PWWP2A: variants seen among roughly 807,000 people sequenced by gnomAD.
PWWP2A encodes PWWP domain containing 2A, also known as PWWP domain-containing protein 2A.
Under a neutral mutation model 48.5 loss-of-function variants are expected in PWWP2A, and 18 were observed. The observed-to-expected ratio is 0.37, with a 90% CI of 0.26 to 0.55. PWWP2A has a LOEUF of 0.55. Among genes scored for constraint, PWWP2A ranks in the 20% least tolerant of loss-of-function variants. The pLI is 0.81. For synonymous variants in PWWP2A, 396 were observed against 387.7 expected (o/e 1.02, Z -0.25); for missense variants, 867 against 976.4 (o/e 0.89, Z 1.49).
At chr5:160,108,762 A>C in intron 1 of PWWP2A, 3 of 391,136 alleles carry the variant, frequency 7.7e-6, no homozygotes, top group South Asian at 5.8e-5. Context: ...CCCCATGTAC[A>C]CACACACAGT....
intron 1 of PWWP2A, among the ~76,000 whole-genome samples, chr5:160,101,176 C>T (rs1384943104): frequency 3.3e-5 from 5 of 152,042 alleles, no homozygotes; most frequent in African/African-American, 1.2e-4. Flanking sequence ...CATGGTGAAA[C>T]CCTGTCTCTA....
chr5:160,093,547 T>C lies in PWWP2A; in HGVS notation c.1103A>G (p.Asp368Gly), dbSNP rs762997740. 5 of 1,613,434 alleles carry C rather than the reference T, an allele frequency of 3.1e-6. No individual in the cohort carries two copies. Among genetic ancestry groups the C allele is most frequent in the Non-Finnish European group, 4.2e-6 (5 of 1,179,774 alleles). Reference sequence around the variant, plus strand: ...TTGGTTTTTCCCATCCACTTTATGGTCAGTTTTCAGTTTTTTGTTCACAGT... The same window carrying C: ...TTGGTTTTTCCCATCCACTTTATGGCCAGTTTTCAGTTTTTTGTTCACAGT... ...VTTVNKKLKT[D>G]HKVDGKNQNE... is the part of the protein sequence containing the mutation. Residue 368 changes from aspartate to glycine, a missense_variant, in exon 2 of 2, where the codon GAC becomes GGC. Asp to Gly is a moderately conservative substitution (Grantham distance 94). Coordinates refer to ENST00000307063, the MANE Select transcript of PWWP2A (RefSeq NM_001130864.2). This position sits in a 1 kb window ranked among gnomAD's most constrained non-coding sequence, Gnocchi z 5.8.
intron 1 of PWWP2A, among the ~76,000 whole-genome samples, chr5:160,101,055 A>G (rs1756227918): frequency 6.6e-6 from 1 of 152,258 alleles, no homozygotes; most frequent in Admixed American, 6.5e-5. Flanking sequence ...AGTCTTAAAA[A>G]GGATGAAATC....
intron 1 of PWWP2A, among the ~76,000 whole-genome samples, chr5:160,115,740 T>C (rs1758065017): frequency 6.6e-6 from 1 of 151,028 alleles, no homozygotes. Flanking sequence ...GGTATGCGCT[T>C]GTAGTCCCAG....
At chr5:160,089,774 G>A (rs546561207), downstream of PWWP2A, 112 of 985,398 alleles carry the variant, frequency 1.1e-4, 1 homozygote, top group Middle Eastern at 3.7e-3. Flanking sequence ...TTTGGTCTAA[G>A]CCAGTTTACT....
chr5:160,084,225 T>C (rs1308891984), intron 2 of PWWP2A, among the ~76,000 whole-genome samples: 1 of 152,202 alleles, frequency 6.6e-6, no homozygotes, highest in Non-Finnish European at 1.5e-5. Context: ...TATGAGGAGA[T>C]ACTATTATTC....
At position 160,092,003 on chromosome 5, in the gene PWWP2A, TACATACACGGATATATATATATACACAC is replaced by T; in HGVS notation, c.*351_*378del. Reference sequence around the variant, plus strand: ...ATATACATATATATGTGTGTATATATACATACACGGATATATATATATACACACACACACACGTATATATATGTATATA... The same window carrying T: ...ATATACATATATATGTGTGTATATATACACACACGTATATATATGTATATA... On this transcript the variant is annotated 3_prime_UTR_variant, in exon 2 of 2. Coordinates refer to ENST00000307063, the MANE Select transcript of PWWP2A (RefSeq NM_001130864.2). The T allele has an allele frequency of 1.8e-6, 1 of 540,746 alleles. No individual in the cohort carries two copies. The highest frequency in any genetic ancestry group is 1.6e-4 in the East Asian group (1 of 6,396). 33.5% of individuals were successfully genotyped at this position (540,746 alleles called of 1,614,324 possible). A position where few individuals can be genotyped will look rare whatever the true frequency, so the allele number is the denominator to read the frequency against.
chr5:160,104,559 T>C (rs927909369), intron 1 of PWWP2A, among the ~76,000 whole-genome samples: 8 of 152,128 alleles, frequency 5.3e-5, no homozygotes, highest in African/African-American at 1.7e-4. Flanking sequence ...TCCTAGCACT[T>C]TGGGAGGCTC....
chr5:160,084,082 C>T (rs191044884), intron 2 of PWWP2A, among the ~76,000 whole-genome samples: 11 of 152,250 alleles, frequency 7.2e-5, no homozygotes, highest in African/African-American at 1.2e-4. Context: ...ATGATAGTAT[C>T]GAAAGCTACC....
the PWWP2A span, among the ~76,000 whole-genome samples, chr5:160,050,099 T>C: frequency 6.6e-6 from 1 of 151,790 alleles, no homozygotes; most frequent in African/African-American, 2.4e-5. Flanking sequence ...CAGTGAGCTG[T>C]GACTACATCA....
chr5:160,114,490 AGTGGCTCAT>A (rs1027839730), intron 1 of PWWP2A, among the ~76,000 whole-genome samples: 10 of 150,622 alleles, frequency 6.6e-5, no homozygotes, highest in Non-Finnish European at 1.2e-4. Flanking sequence ...GGCCAGGCAC[AGTGGCTCAT>A]GCCTGTAATC....
chr5:160,075,190 C>A (rs192289939), downstream of PWWP2A, among the ~76,000 whole-genome samples: 1 of 152,236 alleles, frequency 6.6e-6, no homozygotes, highest in East Asian at 1.9e-4. Context: ...CTCCCTGTTC[C>A]ATTTTCATTA....
the PWWP2A span, among the ~76,000 whole-genome samples, chr5:160,045,520 ACTCTCTCTCTCTCT>A: frequency 1.8e-5 from 1 of 54,880 alleles, no homozygotes; most frequent in African/African-American, 8.8e-5. Flanking sequence ...ACACATACAC[ACTCTCTCTCTCTCT>A]CTCTCTCTCT....
At position 160,118,846 on chromosome 5, in the gene PWWP2A, C is replaced by T; in HGVS notation, c.543G>A (p.Gly181=). 1 of 1,585,382 alleles carries T rather than the reference C, an allele frequency of 6.3e-7. No individual in the cohort carries two copies. The highest frequency in any genetic ancestry group is 8.6e-7 in the Non-Finnish European group (1 of 1,167,612). Residue 181 remains glycine, a synonymous_variant, in exon 1 of 2, where the codon GGG becomes GGA. Transcript: ENST00000307063. ...TGAGGACCCCGGAGAAGAGCTTCTC[C>T]CCGAAGCGGAACGACACGACAAGCG... is the stretch of plus-strand genomic sequence containing the variant. ...EDALVVSFRF[G]EKLFSGVLMD...
At chr5:160,070,845 T>C (rs527798982) in intron 2 of PWWP2A, among the ~76,000 whole-genome samples, 5 of 152,224 alleles carry the variant, frequency 3.3e-5, no homozygotes, top group Admixed American at 3.3e-4. Flanking sequence ...ATGCTGAGAG[T>C]TGCAGTTCCT....
chr5:160,108,885 C>T (rs139427945), intron 1 of PWWP2A, among the ~76,000 whole-genome samples: 1 of 152,250 alleles, frequency 6.6e-6, no homozygotes, highest in African/African-American at 2.4e-5. Context: ...CAGTATGTTG[C>T]CAAGGCTGGT....
In PWWP2A at chr5:160,117,179, G is replaced by A. The variant is rs550617465; in HGVS notation, c.584+1626C>T. Among the ~76,000 whole-genome samples, 3 of 152,304 alleles carry A rather than the reference G, an allele frequency of 2.0e-5. No homozygotes were observed. In the South Asian group the frequency reaches 6.2e-4, roughly 32 times the overall value. ...TCTAATTATGAAAACAGGAGTGCAG[G>A]CCGGGCACAGTGGCTCACGCCTGTA... On this transcript the variant is annotated intron_variant, in intron 1 of 1. Coordinates refer to ENST00000307063, the MANE Select transcript of PWWP2A (RefSeq NM_001130864.2).
At chr5:160,067,416 G>T (rs1753640823) in intron 2 of PWWP2A, among the ~76,000 whole-genome samples, 1 of 152,280 alleles carries the variant, frequency 6.6e-6, no homozygotes, top group African/African-American at 2.4e-5. Flanking sequence ...GAGCTCAATG[G>T]CTGAGACTTA....
At position 160,076,289 on chromosome 5, in the gene PWWP2A, T is replaced by C. The variant is rs138173004; in HGVS notation, c.*1866A>G. The C allele has an allele frequency of 1.1e-3, 168 of 152,352 alleles. 3 individuals are homozygous for C. The highest frequency in any genetic ancestry group is 3.8e-3 in the African/African-American group (157 of 41,592). 9.4% of individuals were successfully genotyped at this position (152,352 alleles called of 1,614,324 possible). ...ATCACTCTACACAAATAAAGAATTC[T>C]AAAGCTTAATTAAAAATCTTGATTA... On this transcript the variant is annotated 3_prime_UTR_variant, in exon 4 of 4. Transcript: ENST00000456329.
Sources: allele counts gnomAD v4.1 joint callset (sites outside exome capture counted in the v4.1 genomes callset), GRCh38; gene constraint gnomAD v4.1.1; non-coding constraint Gnocchi (gnomAD v3.1); transcripts MANE v1.5; gene names NCBI Gene and HGNC (gene_info 2026-07-23, HGNC 2026-07-21).